The following LMO7 variants were observed in gnomAD, a reference collection of about 807,000 sequenced individuals.
The protein encoded by LMO7 is LIM domain 7, also known as LIM domain only protein 7.
In LMO7, 120 loss-of-function variants were observed where a neutral mutation model predicts 206.5. That is an observed-to-expected ratio of 0.58 (90% confidence interval 0.50 to 0.68). LMO7 has a LOEUF of 0.68. Among genes scored for constraint, LMO7 ranks in the 30% least tolerant of loss-of-function variants. The pLI, the probability that LMO7 is intolerant of heterozygous loss-of-function variation, is 0.00. For synonymous variants in LMO7, 706 were observed against 681.5 expected, an observed-to-expected ratio of 1.04 and a Z score of -0.56; for missense variants, 1,959 against 1,957.9, an observed-to-expected ratio of 1.00 and a Z score of -0.01.
At chr13:75,629,026 G>A (rs552620931) in intron 2 of LMO7, among the ~76,000 whole-genome samples, 79 of 152,364 alleles carry the variant, frequency 5.2e-4, no homozygotes, top group African/African-American at 1.5e-3. Context: ...GTCTGGAAAC[G>A]TTTTTGGTTA....
rs570793709 is a variant in LMO7, at chr13:75,709,296, C to A, written c.70-3886C>A. ...TCTTTATAGCAGCATGATTTATAAT[C>A]CTTTGGGTATATACCCAGTAATGGG... On this transcript the variant is annotated intron_variant, in intron 1 of 30. Coordinates refer to ENST00000377534, the MANE Select transcript of LMO7 (RefSeq NM_001306080.2). 2.0e-5 allele frequency among the ~76,000 whole-genome samples: 3 copies of A among 152,292 alleles called. No individual in the cohort carries two copies. In the East Asian group the frequency reaches 5.8e-4, roughly 29 times the overall value.
intron 25 of LMO7, among the ~76,000 whole-genome samples, chr13:75,843,403 A>G (rs377266874): frequency 5.8e-4 from 88 of 152,330 alleles, no homozygotes; most frequent in South Asian, 2.7e-3. Flanking sequence ...GTCGTGGAGA[A>G]GAGAAGAACA....
chr13:75,784,244 T>C (rs2052034362), intron 4 of LMO7, among the ~76,000 whole-genome samples: 1 of 152,216 alleles, frequency 6.6e-6, no homozygotes, highest in African/African-American at 2.4e-5. Context: ...TCTAAAATTA[T>C]ATTATCTCGA....
intron 11 of LMO7, among the ~76,000 whole-genome samples, chr13:75,815,040 A>G (rs1184652175): frequency 6.6e-6 from 1 of 152,116 alleles, no homozygotes; most frequent in Non-Finnish European, 1.5e-5. Context: ...ATGGGAAGAA[A>G]GTAGTGGGTG....
At chr13:75,641,016 C>T (rs2036479909) in intron 1 of LMO7, among the ~76,000 whole-genome samples, 1 of 152,212 alleles carries the variant, frequency 6.6e-6, no homozygotes, top group Non-Finnish European at 1.5e-5. Context: ...CTACTGTGTG[C>T]CAGAAACTTG....
chr13:75,820,907 G>GA (rs1283199059), intron 13 of LMO7, among the ~76,000 whole-genome samples: 1 of 151,736 alleles, frequency 6.6e-6, no homozygotes, highest in African/African-American at 2.4e-5. Context: ...TGAGTCAGGA[G>GA]AATTGCTTGA....
chr13:75,757,668 C>A (rs2047781614), intron 3 of LMO7, among the ~76,000 whole-genome samples: 5 of 152,098 alleles, frequency 3.3e-5, no homozygotes, highest in Admixed American at 2.0e-4. Context: ...TGTGTCTGTT[C>A]TTGCCTGCCT....
chr13:75,844,805 A>G (rs980032976), intron 25 of LMO7, among the ~76,000 whole-genome samples: 7 of 152,184 alleles, frequency 4.6e-5, no homozygotes, highest in African/African-American at 1.7e-4. Context: ...TACAAACTTA[A>G]GGCGTTTCCA....
chr13:75,776,161 G>GTA (rs2050379972), intron 4 of LMO7, among the ~76,000 whole-genome samples: 2 of 16,876 alleles, frequency 1.2e-4, no homozygotes, highest in South Asian at 3.3e-3. Context: ...TATATATATC[G>GTA]GATATATATA....
intron 3 of LMO7, among the ~76,000 whole-genome samples, chr13:75,749,201 T>C (rs992515199): frequency 6.6e-6 from 1 of 152,220 alleles, no homozygotes. Context: ...CAGGTTGCAC[T>C]AAAGGTGCCC....
At chr13:75,689,679 T>C (rs1191584357) in intron 1 of LMO7, among the ~76,000 whole-genome samples, 1 of 152,168 alleles carries the variant, frequency 6.6e-6, no homozygotes, top group African/African-American at 2.4e-5. Context: ...TTCATCTTTC[T>C]CCTGTGCCAG....
intron 1 of LMO7, among the ~76,000 whole-genome samples, chr13:75,703,226 T>C (rs1302102218): frequency 1.3e-5 from 2 of 152,202 alleles, no homozygotes; most frequent in South Asian, 4.1e-4. Flanking sequence ...TCCTATAAAT[T>C]AGTAAATAGC....
At chr13:75,823,095 G>T (rs1049233781) in intron 14 of LMO7, among the ~76,000 whole-genome samples, 2 of 151,906 alleles carry the variant, frequency 1.3e-5, no homozygotes, top group African/African-American at 4.8e-5. Flanking sequence ...AAGACCTTTT[G>T]GCTCTCAGTT....
chr13:75,811,150 T>C (rs1023828906), intron 11 of LMO7, among the ~76,000 whole-genome samples: 1 of 152,050 alleles, frequency 6.6e-6, no homozygotes, highest in Non-Finnish European at 1.5e-5. Flanking sequence ...TAACAAAGGA[T>C]TTCTCTCTAG....
intron 4 of LMO7, among the ~76,000 whole-genome samples, 162 bp downstream of exon 4, chr13:75,761,200 T>C (rs2048179272): frequency 6.6e-6 from 1 of 152,130 alleles, no homozygotes; most frequent in East Asian, 1.9e-4. Context: ...TAAAAATGGC[T>C]TAGGGACTGT....
At position 75,835,321 on chromosome 13, in the gene LMO7, C is replaced by T. The variant is rs762956632; in HGVS notation, c.3315C>T (p.Ser1105=). 37 of 1,601,924 alleles carry T rather than the reference C, an allele frequency of 2.3e-5. No homozygotes were observed. Among genetic ancestry groups the T allele is most frequent in the East Asian group, 1.4e-4 (6 of 44,290 alleles). Residue 1105 remains serine, a synonymous_variant, in exon 18 of 31, where the codon TCC becomes TCT. Transcript: ENST00000377534. ...ATCTATCTGTAACAACTGATTTCTCCGAAAGCCTTCAGAGTTCTGTGAGTA... is the reference window on the plus strand; with the variant it reads ...ATCTATCTGTAACAACTGATTTCTCTGAAAGCCTTCAGAGTTCTGTGAGTA... ...SSNLSVTTDF[S]ESLQSSNIES...
intron 1 of LMO7, among the ~76,000 whole-genome samples, chr13:75,681,718 G>GTA (rs71127572): frequency 0.032 from 3,375 of 104,328 alleles, 86 homozygotes; most frequent in African/African-American, 0.037. Flanking sequence ...ATATATATAT[G>GTA]TATATATATA....
chr13:75,681,054 G>A (rs146300080), intron 1 of LMO7, among the ~76,000 whole-genome samples: 5,789 of 151,646 alleles, frequency 0.038, 151 homozygotes, highest in South Asian at 0.066. Flanking sequence ...TATAGATTCT[G>A]AATATTAGAC....
intron 1 of LMO7, among the ~76,000 whole-genome samples, chr13:75,687,241 C>T (rs1036659222): frequency 3.3e-5 from 5 of 152,124 alleles, no homozygotes; most frequent in Admixed American, 3.3e-4. Context: ...GTATTAGTGT[C>T]AGTTTTGTCA....
Sources: allele counts gnomAD v4.1 joint callset (sites outside exome capture counted in the v4.1 genomes callset), GRCh38; gene constraint gnomAD v4.1.1; transcripts MANE v1.5; gene names NCBI Gene and HGNC (gene_info 2026-07-23, HGNC 2026-07-21).